RNF123: variants seen among roughly 807,000 people sequenced by gnomAD.
RNF123 encodes E3 ubiquitin-protein ligase RNF123.
Under a neutral mutation model 168.5 loss-of-function variants are expected in RNF123, and 86 were observed. The ratio of observed to expected loss-of-function variants is 0.51; its 90% CI spans 0.43 to 0.61. The LOEUF (loss-of-function observed/expected upper bound fraction) is 0.61, where lower values mean the gene tolerates loss of function less well. Among genes scored for constraint, RNF123 ranks in the 20% least tolerant of loss-of-function variants. RNF123 has a pLI of 0.00. For missense variants in RNF123, 1,419 were observed against 1,729.7 expected, an observed-to-expected ratio of 0.82 and a Z score of 3.19; for synonymous variants, 666 against 689.1, an observed-to-expected ratio of 0.97 and a Z score of 0.52.
At chr3:49,704,892 G>A in intron 22 of RNF123, 92 bp from the exon 23 acceptor site, 1 of 1,408,912 alleles carries the variant, frequency 7.1e-7, no homozygotes, top group Non-Finnish European at 9.6e-7. Flanking sequence ...TGCTGTGGGT[G>A]GAGGCATGGA....
chr3:49,713,640 G>A (rs1235298616), intron 28 of RNF123, 53 bp downstream of exon 28: 4 of 1,584,252 alleles, frequency 2.5e-6, no homozygotes, highest in African/African-American at 1.3e-5. Flanking sequence ...TGGCACCTCT[G>A]GTCGGCTTTC....
At chr3:49,709,137 T>C (rs112017743) in intron 26 of RNF123, among the ~76,000 whole-genome samples, 7,306 of 149,932 alleles carry the variant, frequency 0.049, 251 homozygotes, top group Non-Finnish European at 0.072. Context: ...GTGATTTTTT[T>C]TTTCTTTTTT....
At chr3:49,702,169 G>A in intron 18 of RNF123, 25 bp downstream of exon 18, 1 of 1,611,342 alleles carries the variant, frequency 6.2e-7, no homozygotes, top group Non-Finnish European at 8.5e-7. Flanking sequence ...GGAGCCCTGG[G>A]TGGGGCCCTG....
intron 31 of RNF123, 180 bp from the exon 32 acceptor site, chr3:49,715,388 GGGACAGA>G (rs2080218631): frequency 1.5e-6 from 1 of 677,836 alleles, no homozygotes; most frequent in East Asian, 2.7e-5. Context: ...GTAGAAGGAG[GGGACAGA>G]TTCTGTCCCA....
At chr3:49,719,352 A>G (rs185704507) in intron 35 of RNF123, 23 of 1,613,486 alleles carry the variant, frequency 1.4e-5, no homozygotes, top group Middle Eastern at 3.4e-4. Flanking sequence ...CAGCGCAGAT[A>G]CATTTGTAGG....
intron 8 of RNF123, 32 bp downstream of exon 8, chr3:49,698,558 C>T (rs766734284): frequency 6.2e-7 from 1 of 1,607,594 alleles, no homozygotes; most frequent in South Asian, 1.1e-5. Flanking sequence ...GTCATCCGCC[C>T]CATGACTGTT....
chr3:49,711,549 G>C (rs1484193893), intron 26 of RNF123, among the ~76,000 whole-genome samples: 2 of 152,154 alleles, frequency 1.3e-5, no homozygotes, highest in Non-Finnish European at 2.9e-5. Flanking sequence ...TCGCTGCCTA[G>C]GTTTGCGCCT....
Position 49,700,673 on chromosome 3 carries a change from A to T in RNF123, c.1241A>T (p.His414Leu). 6.2e-7 allele frequency: 1 copy of T among 1,614,186 alleles called. No homozygotes were observed. Among genetic ancestry groups the T allele is most frequent in the Non-Finnish European group, 8.5e-7 (1 of 1,180,048 alleles). ...YLRLTIAILR[H>L]EKSRKFLLSN... The stretch of plus-strand genomic sequence containing the variant: ...CGGCTCACTATCGCCATCCTGAGGC[A>T]TGAGAAGTCCCGCAAGTTTCTGCTT... The change falls in exon 15 of 39, where the codon CAT becomes CTT. Residue 414 changes from histidine (H) to leucine (L), a missense_variant. This residue lies in a region of RNF123 where 349 missense variants were observed against 344.9 expected (regional missense o/e 1.01). Coordinates refer to ENST00000327697, the MANE Select transcript of RNF123 (RefSeq NM_022064.5).
At chr3:49,716,558 C>A in intron 35 of RNF123, 81 bp downstream of exon 35, 1 of 1,190,390 alleles carries the variant, frequency 8.4e-7, no homozygotes, top group Non-Finnish European at 1.2e-6. Context: ...CCTGGTACTT[C>A]AGTTTCCTCA....
intron 21 of RNF123, among the ~76,000 whole-genome samples, chr3:49,703,772 G>A (rs2054457327): frequency 6.6e-6 from 1 of 152,258 alleles, no homozygotes; most frequent in Admixed American, 6.5e-5. Flanking sequence ...TTGGTGAGGT[G>A]TGGATGGGGC....
At chr3:49,691,395 C>T (rs2054162374) in intron 2 of RNF123, 30 bp from the exon 3 acceptor site, 1 of 1,612,040 alleles carries the variant, frequency 6.2e-7, no homozygotes. Context: ...GATCATGTGG[C>T]CCTTTTCTCC....
At chr3:49,703,386 T>A in intron 20 of RNF123, 41 bp from the exon 21 acceptor site, 3 of 1,546,564 alleles carry the variant, frequency 1.9e-6, no homozygotes, top group East Asian at 2.3e-5. Flanking sequence ...GTCTTCCTAC[T>A]GGGCCGTGAC....
chr3:49,697,796 G>A (rs1159102061), intron 5 of RNF123, 89 bp from the exon 6 acceptor site: 3 of 1,511,220 alleles, frequency 2.0e-6, no homozygotes, highest in African/African-American at 1.4e-5. Flanking sequence ...TACCACCAGG[G>A]CTGGCTCAGT....
chr3:49,699,363 C>A lies in RNF123; in HGVS notation c.765-105C>A. On this transcript the variant is annotated intron_variant, in intron 10 of 38. Transcript: ENST00000327697. The surrounding 1 kb of genome is among the most constrained non-coding windows in gnomAD (Gnocchi z 4.8). ...ATAAGTGGGCAAGTTGTGATGCAAA[C>A]CAGCCCTGCCCTAGAGCCCAGGCCC... The A allele has an allele frequency of 9.2e-7, 1 of 1,083,812 alleles. No homozygotes were observed. Among genetic ancestry groups the A allele is most frequent in the Non-Finnish European group, 1.3e-6 (1 of 743,128 alleles). 67.1% of individuals were successfully genotyped at this position (1,083,812 alleles called of 1,614,324 possible).
At chr3:49,705,872 C>G (rs2054506342) in intron 24 of RNF123, 110 bp from the exon 25 acceptor site, 2 of 1,461,130 alleles carry the variant, frequency 1.4e-6, no homozygotes, top group African/African-American at 2.8e-5. Flanking sequence ...ATGGGACCGC[C>G]CTGGGCCTAA....
Position 49,720,629 on chromosome 3 carries a change from C to G in RNF123, c.3619C>G (p.Arg1207Gly), listed in dbSNP as rs762516169. The G allele has an allele frequency of 1.9e-6, 3 of 1,602,180 alleles. No individual in the cohort carries two copies. Among genetic ancestry groups the G allele is most frequent in the South Asian group, 1.1e-5 (1 of 90,064 alleles). Residue 1207 changes from arginine (R) to glycine (G), a missense_variant, in exon 36 of 39, where the codon CGG becomes GGG. Physicochemically the swap from Arg to Gly is moderately radical, Grantham distance 125. This residue lies in a region of RNF123 where 164 missense variants were observed against 152.3 expected (regional missense o/e 1.08). Coordinates refer to ENST00000327697, the MANE Select transcript of RNF123 (RefSeq NM_022064.5). ...APGTALPAPD[R>G]KRFSLQSYAD... ...TGGCACTGCTCTGCCAGCCCCTGAC[C>G]GGAAGCGCTTCTCCCTGCAGAGCTG... is the stretch of plus-strand genomic sequence containing the variant.
At chr3:49,694,380 G>A (rs540567495) in intron 3 of RNF123, among the ~76,000 whole-genome samples, 7 of 152,242 alleles carry the variant, frequency 4.6e-5, no homozygotes, top group Non-Finnish European at 1.0e-4. Flanking sequence ...ATGTTATCCC[G>A]TGAGTATTTT....
In RNF123 at chr3:49,704,610, G is replaced by A. The variant is rs751904947; in HGVS notation, c.1853-40G>A. On this transcript the variant is annotated intron_variant, in intron 21 of 38. Transcript: ENST00000327697. ...GGGCACTTCCACTGTGGCCCCTTGCGCCACCACTGGCCTGAGAACCCTCCT... is the reference window on the plus strand; with the variant it reads ...GGGCACTTCCACTGTGGCCCCTTGCACCACCACTGGCCTGAGAACCCTCCT... 4.0e-5 allele frequency: 62 copies of A among 1,550,018 alleles called. No individual in the cohort carries two copies. The Middle Eastern group carries it at 6.7e-4, about 17-fold the overall frequency.
At chr3:49,719,955 G>A (rs547222837) in intron 35 of RNF123, 1 of 167,326 alleles carries the variant, frequency 6.0e-6, no homozygotes, top group East Asian at 1.8e-4. Flanking sequence ...TGACTTTGAA[G>A]GACTGATAAT....
Sources: gnomAD v4.1 joint callset for allele counts (sites outside exome capture counted in the v4.1 genomes callset) on GRCh38, gnomAD v4.1.1 for gene constraint, gnomAD v4.1.1 regional missense constraint, Gnocchi (gnomAD v3.1) non-coding constraint, MANE v1.5 for transcripts, NCBI Gene and HGNC (gene_info 2026-07-23, HGNC 2026-07-21) for gene names.